Variants in CHST15 observed in about 807,000 individuals in gnomAD.
CHST15 encodes the protein B cell RAG associated protein (GALNAC4S-6ST).
A neutral mutation model predicts 53.6 loss-of-function variants in CHST15; 30 were observed. That is an observed-to-expected ratio of 0.56 (90% CI 0.42 to 0.76). The LOEUF (loss-of-function observed/expected upper bound fraction) is 0.76. Among genes scored for constraint, CHST15 ranks in the 30% least tolerant of loss-of-function variants. CHST15 has a pLI of 0.00. For synonymous variants in CHST15, 296 were observed against 289.8 expected (o/e 1.02, Z -0.22); for missense variants, 627 against 740.5 (o/e 0.85, Z 1.78).
At chr10:124,011,844 C>A in intron 7 of CHST15, 1 of 985,448 alleles carries the variant, frequency 1.0e-6, no homozygotes, top group South Asian at 4.7e-5. Context: ...ATGCAATGAT[C>A]TGTCTGTTCC....
In CHST15 at chr10:124,019,610, C is replaced by G. The variant is rs1345147763; in HGVS notation, c.1347+1646G>C. ...CCGGGTCTCCGTTTCCTTATGAAGG[C>G]TCCCTCCCGGGTTACATGAAATTTA... On this transcript the variant is annotated intron_variant, in intron 6 of 7. Coordinates refer to ENST00000435907, the MANE Select transcript of CHST15 (RefSeq NM_001270764.2). The surrounding 1 kb of genome is among the most constrained non-coding windows in gnomAD (Gnocchi z 4.6). 3.6e-6 allele frequency: 1 copy of G among 278,716 alleles called. No homozygotes were observed. Among genetic ancestry groups the G allele is most frequent in the Non-Finnish European group, 5.4e-6 (1 of 183,668 alleles). The allele number at this position is 278,716 out of a possible 1,614,324, so 17.3% of individuals were successfully genotyped here.
intron 5 of CHST15, 45 bp downstream of exon 5, chr10:124,038,470 A>C (rs1947606056): frequency 6.3e-7 from 1 of 1,597,554 alleles, no homozygotes; most frequent in Non-Finnish European, 8.6e-7. Flanking sequence ...TGTTCTTCAA[A>C]AGTTCCTCTT....
At chr10:124,015,018 G>T (rs375690135) in intron 6 of CHST15, among the ~76,000 whole-genome samples, 1 of 152,140 alleles carries the variant, frequency 6.6e-6, no homozygotes, top group Non-Finnish European at 1.5e-5. Context: ...CTTCTCCCGG[G>T]GCTAGCTCCC....
rs1946332560 is a variant in CHST15, at chr10:124,008,678, C to A, written c.*1471G>T. On this transcript the variant is annotated 3_prime_UTR_variant, in exon 8 of 8. Coordinates refer to ENST00000435907, the MANE Select transcript of CHST15 (RefSeq NM_001270764.2). ...CTCCTACCCCCGAAGCCTGGTCTGTCTCACACATACAAGTTAGAGCTGGGT... is the reference window on the plus strand; with the variant it reads ...CTCCTACCCCCGAAGCCTGGTCTGTATCACACATACAAGTTAGAGCTGGGT... 1 of 1,110,736 alleles carries A rather than the reference C, an allele frequency of 9.0e-7. No homozygotes were observed. 68.8% of individuals were successfully genotyped at this position (1,110,736 alleles called of 1,614,324 possible).
intron 1 of CHST15, among the ~76,000 whole-genome samples, chr10:124,070,763 A>G (rs1300789064): frequency 6.6e-6 from 1 of 152,214 alleles, no homozygotes; most frequent in African/African-American, 2.4e-5. Flanking sequence ...GTCCCTGTTC[A>G]GCTGCATCTC....
At chr10:124,016,624 C>A (rs1946593907) in intron 6 of CHST15, among the ~76,000 whole-genome samples, 1 of 152,196 alleles carries the variant, frequency 6.6e-6, no homozygotes, top group Admixed American at 6.5e-5. Context: ...AAGGCAAAAA[C>A]TCCCTGAGTG....
In CHST15 at chr10:124,074,449, G is replaced by C. The variant is rs928013714; in HGVS notation, c.-513+19020C>G. ...CTAGTTGGGAGCATCGCCCAGTTGTGATCATCAATCCAGTCTCTAGAAACA... is the reference window on the plus strand; with the variant it reads ...CTAGTTGGGAGCATCGCCCAGTTGTCATCATCAATCCAGTCTCTAGAAACA... On this transcript the variant is annotated intron_variant, in intron 1 of 7. Coordinates refer to ENST00000435907, the MANE Select transcript of CHST15 (RefSeq NM_001270764.2). This position sits in a 1 kb window ranked among gnomAD's most constrained non-coding sequence, Gnocchi z 4.4. Among the ~76,000 whole-genome samples the C allele has an allele frequency of 6.6e-6, 1 of 152,160 alleles. No individual in the cohort carries two copies. Among genetic ancestry groups the C allele is most frequent in the Non-Finnish European group, 1.5e-5 (1 of 68,020 alleles).
At chr10:124,091,944 C>A (rs1391009098) in intron 1 of CHST15, among the ~76,000 whole-genome samples, 1 of 152,046 alleles carries the variant, frequency 6.6e-6, no homozygotes, top group Non-Finnish European at 1.5e-5. Context: ...CGTGGGCACC[C>A]GGACAGCGAC....
chr10:124,007,682 A>G lies in CHST15; in HGVS notation c.*2467T>C. The G allele has an allele frequency of 1.6e-6, 2 of 1,216,124 alleles. No homozygotes were observed. The highest frequency in any genetic ancestry group is 2.0e-6 in the Non-Finnish European group (2 of 978,930). 75.3% of individuals were successfully genotyped at this position (1,216,124 alleles called of 1,614,324 possible). On this transcript the variant is annotated 3_prime_UTR_variant, in exon 8 of 8. Coordinates refer to ENST00000435907, the MANE Select transcript of CHST15 (RefSeq NM_001270764.2). Reference sequence around the variant, plus strand: ...CCAGGAAGAGCTTGGCTGCAGAGGAAGAGCACGCGCTCCACAGGCGTCACT... The same window carrying G: ...CCAGGAAGAGCTTGGCTGCAGAGGAGGAGCACGCGCTCCACAGGCGTCACT...
intron 1 of CHST15, among the ~76,000 whole-genome samples, chr10:124,086,242 C>A (rs1949417718): frequency 1.3e-5 from 2 of 152,226 alleles, no homozygotes; most frequent in Non-Finnish European, 2.9e-5. Context: ...GCCACTTCTA[C>A]CAAGTACGTA....
chr10:124,011,106 G>A (rs1946405196), intron 7 of CHST15: 3 of 982,370 alleles, frequency 3.1e-6, no homozygotes, highest in Non-Finnish European at 3.6e-6. Flanking sequence ...CCCGCCCTCT[G>A]GAGTGAGAGG....
chr10:124,087,452 T>C (rs1280313700), intron 1 of CHST15, among the ~76,000 whole-genome samples: 1 of 152,200 alleles, frequency 6.6e-6, no homozygotes, highest in Non-Finnish European at 1.5e-5. Context: ...AAAAACATAA[T>C]TGTGCCTGGC....
In CHST15 at chr10:124,008,305, A is replaced by G. The variant is rs1367078236; in HGVS notation, c.*1844T>C. Reference sequence around the variant, plus strand: ...GGAGGAGCCTCATTAGCAACTGAACAGAACCCACTCAGAAGACGCACTCAC... The same window carrying G: ...GGAGGAGCCTCATTAGCAACTGAACGGAACCCACTCAGAAGACGCACTCAC... On this transcript the variant is annotated 3_prime_UTR_variant, in exon 8 of 8. Coordinates refer to ENST00000435907, the MANE Select transcript of CHST15 (RefSeq NM_001270764.2). The G allele has an allele frequency of 3.6e-6, 4 of 1,125,686 alleles. No homozygotes were observed. The African/African-American group carries it at 6.4e-5, about 18-fold the overall frequency. 69.7% of individuals were successfully genotyped at this position (1,125,686 alleles called of 1,614,324 possible).
intron 5 of CHST15, among the ~76,000 whole-genome samples, chr10:124,029,525 C>T (rs915614209): frequency 3.3e-5 from 5 of 152,180 alleles, no homozygotes; most frequent in African/African-American, 1.2e-4. Flanking sequence ...CACAGGGCCC[C>T]GGTAACTGTT....
chr10:124,019,726 C>T lies in CHST15; in HGVS notation c.1347+1530G>A. The T allele has an allele frequency of 1.1e-6, 1 of 950,094 alleles. No homozygotes were observed. The highest frequency in any genetic ancestry group is 1.3e-6 in the Non-Finnish European group (1 of 797,630). The allele number at this position is 950,094 out of a possible 1,614,324, so 58.9% of individuals were successfully genotyped here. On this transcript the variant is annotated intron_variant, in intron 6 of 7. Transcript: ENST00000435907. This position sits in a 1 kb window ranked among gnomAD's most constrained non-coding sequence, Gnocchi z 4.6. ...AGTAGTGAGATATTCCTTTTCCACT[C>T]CTACACTATCTTCTGCTTAAAACCC...
intron 6 of CHST15, 75 bp downstream of exon 6, chr10:124,021,181 G>A (rs759117605): frequency 1.7e-5 from 24 of 1,435,402 alleles, no homozygotes; most frequent in African/African-American, 4.7e-5. Flanking sequence ...CCACAATGCC[G>A]CTTGCATAAT....
chr10:124,021,035 G>A, intron 6 of CHST15: 2 of 1,432,562 alleles, frequency 1.4e-6, no homozygotes, highest in East Asian at 2.5e-5. Context: ...AGGGGGAGGT[G>A]GCAGGTGACC....
chr10:124,087,510 G>C (rs1034897005), intron 1 of CHST15, among the ~76,000 whole-genome samples: 3 of 152,186 alleles, frequency 2.0e-5, no homozygotes, highest in African/African-American at 7.2e-5. Context: ...AGGCACCTGG[G>C]TGCCTGGACT....
At chr10:124,042,502 G>C in intron 3 of CHST15, 55 bp from the exon 4 acceptor site, 1 of 1,585,766 alleles carries the variant, frequency 6.3e-7, no homozygotes, top group Non-Finnish European at 8.6e-7. Flanking sequence ...CTGCTGGAGC[G>C]ATGGCCTCCC....
Sources: gnomAD v4.1 joint callset for allele counts (sites outside exome capture counted in the v4.1 genomes callset) on GRCh38, gnomAD v4.1.1 for gene constraint, Gnocchi (gnomAD v3.1) non-coding constraint, MANE v1.5 for transcripts, NCBI Gene and HGNC (gene_info 2026-07-23, HGNC 2026-07-21) for gene names.